Variants in PCSK2 observed in about 807,000 individuals in gnomAD.
PCSK2 encodes the protein proprotein convertase subtilisin/kexin type 2.
Under a neutral mutation model 69.7 loss-of-function variants are expected in PCSK2, and 14 were observed. The ratio of observed to expected loss-of-function variants is 0.20; its 90% CI spans 0.13 to 0.31. The LOEUF is 0.31. Among genes scored for constraint, PCSK2 ranks in the 10% least tolerant of loss-of-function variants. The pLI is 1.00. For missense variants in PCSK2, 544 were observed against 842.5 expected, an observed-to-expected ratio of 0.65 and a Z score of 4.39; for synonymous variants, 307 against 320.7, an observed-to-expected ratio of 0.96 and a Z score of 0.46.
intron 5 of PCSK2, among the ~76,000 whole-genome samples, chr20:17,406,804 G>A (rs2031761294): frequency 6.6e-6 from 1 of 152,168 alleles, no homozygotes. Flanking sequence ...TGCCAGCCTG[G>A]TAGAAACATG....
chr20:17,415,268 T>C (rs1425485459), intron 6 of PCSK2, among the ~76,000 whole-genome samples: 2 of 152,314 alleles, frequency 1.3e-5, no homozygotes, highest in Middle Eastern at 3.4e-3. Flanking sequence ...GATGACATGA[T>C]TGTATATCTA....
intron 8 of PCSK2, among the ~76,000 whole-genome samples, chr20:17,440,424 C>A (rs2032571933): frequency 6.6e-6 from 1 of 152,156 alleles, no homozygotes; most frequent in African/African-American, 2.4e-5. Flanking sequence ...TGACACATTT[C>A]CAGAAAGGAA....
intron 2 of PCSK2, among the ~76,000 whole-genome samples, chr20:17,344,315 C>G (rs1287210031): frequency 2.6e-5 from 4 of 152,150 alleles, no homozygotes; most frequent in Non-Finnish European, 5.9e-5. Flanking sequence ...CAGTCACCAG[C>G]CCCCAAATAT....
chr20:17,433,056 C>A (rs1283838063), intron 7 of PCSK2, among the ~76,000 whole-genome samples: 1 of 152,162 alleles, frequency 6.6e-6, no homozygotes, highest in African/African-American at 2.4e-5. Context: ...TAAGAGGGGG[C>A]CAGGCCAGGT....
intron 10 of PCSK2, among the ~76,000 whole-genome samples, chr20:17,456,861 A>T (rs2032932711): frequency 6.6e-6 from 1 of 152,264 alleles, no homozygotes; most frequent in Admixed American, 6.5e-5. Flanking sequence ...GTTTCAGAAC[A>T]TGTGGCAAAC....
intron 7 of PCSK2, 27 bp from the exon 8 acceptor site, chr20:17,436,681 G>C: frequency 6.3e-6 from 10 of 1,589,892 alleles, no homozygotes; most frequent in Non-Finnish European, 7.7e-6. Flanking sequence ...ACCCAAACAT[G>C]GTGTCCTCTG....
At chr20:17,241,782 A>T (rs944745128) in intron 1 of PCSK2, among the ~76,000 whole-genome samples, 5 of 152,262 alleles carry the variant, frequency 3.3e-5, no homozygotes, top group African/African-American at 1.2e-4. Flanking sequence ...ATATGAATGC[A>T]GAACAAATCC....
chr20:17,363,287 C>T (rs1021510377), intron 4 of PCSK2, among the ~76,000 whole-genome samples: 4 of 152,210 alleles, frequency 2.6e-5, no homozygotes, highest in African/African-American at 9.6e-5. Flanking sequence ...GATCCAGTGA[C>T]TCAATGGATG....
chr20:17,276,487 G>T (rs1988084097), intron 2 of PCSK2, among the ~76,000 whole-genome samples: 3 of 136,230 alleles, frequency 2.2e-5, no homozygotes, highest in African/African-American at 7.9e-5. Context: ...CACATACCAT[G>T]TTTATATTTT....
chr20:17,286,818 A>G (rs941973380), intron 2 of PCSK2, among the ~76,000 whole-genome samples: 2 of 152,326 alleles, frequency 1.3e-5, no homozygotes, highest in East Asian at 3.9e-4. Context: ...TTGTGCTCAC[A>G]GTCTGTATCA....
chr20:17,423,220 C>A (rs1338683528), intron 6 of PCSK2, among the ~76,000 whole-genome samples: 4 of 152,134 alleles, frequency 2.6e-5, no homozygotes, highest in African/African-American at 9.7e-5. Flanking sequence ...TTAATCAATA[C>A]ATGTGAAGTA....
chr20:17,427,447 T>C (rs2032271812), intron 6 of PCSK2, among the ~76,000 whole-genome samples: 1 of 152,090 alleles, frequency 6.6e-6, no homozygotes, highest in Non-Finnish European at 1.5e-5. Context: ...AGCCCCTCAA[T>C]ACAGGCTATT....
chr20:17,310,374 CATG>C (rs1411393242), intron 2 of PCSK2, among the ~76,000 whole-genome samples: 3 of 152,128 alleles, frequency 2.0e-5, no homozygotes, highest in Non-Finnish European at 4.4e-5. Context: ...AATAAACAAT[CATG>C]ATAATATTTT....
At chr20:17,295,538 T>TA (rs1211963089) in intron 2 of PCSK2, among the ~76,000 whole-genome samples, 6 of 146,096 alleles carry the variant, frequency 4.1e-5, no homozygotes, top group East Asian at 2.1e-4. Context: ...TATTTATTTA[T>TA]TTATATTATA....
At chr20:17,237,433 G>C (rs1285664725) in intron 1 of PCSK2, among the ~76,000 whole-genome samples, 7 of 152,172 alleles carry the variant, frequency 4.6e-5, no homozygotes, top group Non-Finnish European at 8.8e-5. Context: ...AAATGTTGGA[G>C]AACTTTGGAC....
intron 5 of PCSK2, among the ~76,000 whole-genome samples, chr20:17,405,524 G>A (rs1568635797): frequency 6.6e-6 from 1 of 152,194 alleles, no homozygotes; most frequent in East Asian, 1.9e-4. Flanking sequence ...GGTGTCATCT[G>A]TGGGCCTGCG....
At chr20:17,452,335 A>G (rs1456876715) in intron 8 of PCSK2, among the ~76,000 whole-genome samples, 1 of 152,184 alleles carries the variant, frequency 6.6e-6, no homozygotes, top group African/African-American at 2.4e-5. Flanking sequence ...AGATTTACCA[A>G]GATGCTGAGA....
intron 4 of PCSK2, among the ~76,000 whole-genome samples, chr20:17,368,452 G>A (rs2030665183): frequency 2.0e-5 from 3 of 152,158 alleles, no homozygotes; most frequent in Non-Finnish European, 4.4e-5. Context: ...TATGCTAGAT[G>A]GTGTCAAGAA....
Position 17,456,455 on chromosome 20 carries a change from T to A in PCSK2, c.1202+7T>A. ...CACTGGCTCTGGAGGCTAAGTATGT[T>A]CATAGCTCTGGGTCCAGGGCCAGCT... On this transcript the variant is annotated splice_region_variant and intron_variant, in intron 10 of 11. Coordinates refer to ENST00000262545, the MANE Select transcript of PCSK2 (RefSeq NM_002594.5). 2 of 1,522,450 alleles carry A rather than the reference T, an allele frequency of 1.3e-6. No individual in the cohort carries two copies. Among genetic ancestry groups the A allele is most frequent in the Non-Finnish European group, 1.8e-6 (2 of 1,096,788 alleles). 94.3% of individuals were successfully genotyped at this position (1,522,450 alleles called of 1,614,324 possible). A position where few individuals can be genotyped will look rare whatever the true frequency, so the allele number is the denominator to read the frequency against.
Sources: gnomAD v4.1 joint callset for allele counts (sites outside exome capture counted in the v4.1 genomes callset) on GRCh38, gnomAD v4.1.1 for gene constraint, MANE v1.5 for transcripts, NCBI Gene and HGNC (gene_info 2026-07-23, HGNC 2026-07-21) for gene names.